Variants in EXOC6 observed in about 807,000 individuals in gnomAD.
The protein encoded by EXOC6 is SEC15-like 1.
In EXOC6, 60 loss-of-function variants were observed where a neutral mutation model predicts 112.5. The ratio of observed to expected loss-of-function variants is 0.53; its 90% CI spans 0.43 to 0.66. The LOEUF (loss-of-function observed/expected upper bound fraction) is 0.66, where lower values mean the gene tolerates loss of function less well. Ranked by LOEUF, EXOC6 falls within the 30% of genes least tolerant of loss-of-function variation. EXOC6 has a pLI of 0.00. For synonymous variants in EXOC6, 295 were observed against 308.0 expected, an observed-to-expected ratio of 0.96 and a Z score of 0.44; for missense variants, 855 against 957.1, an observed-to-expected ratio of 0.89 and a Z score of 1.41.
chr10:92,875,874 T>A (rs1400969097), intron 1 of EXOC6, among the ~76,000 whole-genome samples: 7 of 151,984 alleles, frequency 4.6e-5, no homozygotes, highest in African/African-American at 1.7e-4. Flanking sequence ...TTTATCAAAA[T>A]AAAAATACAA....
At chr10:92,980,689 C>T (rs1842795006) in intron 18 of EXOC6, among the ~76,000 whole-genome samples, 1 of 152,136 alleles carries the variant, frequency 6.6e-6, no homozygotes, top group South Asian at 2.1e-4. Context: ...TAGCTAATGC[C>T]AATGAGGTCT....
At chr10:92,840,609 T>C (rs1184337642) in intron 1 of EXOC6, among the ~76,000 whole-genome samples, 1 of 152,172 alleles carries the variant, frequency 6.6e-6, no homozygotes, top group Non-Finnish European at 1.5e-5. Context: ...GTTATGTAAA[T>C]TTTTTAAAAC....
At chr10:92,860,815 C>T (rs1253282352) in intron 1 of EXOC6, among the ~76,000 whole-genome samples, 5 of 151,602 alleles carry the variant, frequency 3.3e-5, no homozygotes, top group Non-Finnish European at 5.9e-5. Flanking sequence ...GAATGAAAGC[C>T]CATTGTATGT....
intron 20 of EXOC6, among the ~76,000 whole-genome samples, chr10:93,042,386 A>G (rs2134336846): frequency 6.6e-6 from 1 of 152,282 alleles, no homozygotes; most frequent in East Asian, 1.9e-4. Flanking sequence ...TTAGTTTGTA[A>G]TTATGTTTGT....
Position 92,915,745 on chromosome 10 carries a change from C to G in EXOC6, c.664-13C>G, listed in dbSNP as rs368074997. The G allele has an allele frequency of 7.4e-6, 11 of 1,494,720 alleles. No homozygotes were observed. The Admixed American group carries it at 1.6e-4, about 22-fold the overall frequency. 92.6% of individuals were successfully genotyped at this position (1,494,720 alleles called of 1,614,324 possible). ...GTTTTGAAATAATCTGAATTTCTCT[C>G]TCTTCAAAATAGGCACAGCATCAGA... On this transcript the variant is annotated splice_polypyrimidine_tract_variant and intron_variant, in intron 6 of 21. Transcript: ENST00000260762.
chr10:92,879,304 C>T (rs1848833851), intron 1 of EXOC6, among the ~76,000 whole-genome samples: 1 of 152,090 alleles, frequency 6.6e-6, no homozygotes, highest in South Asian at 2.1e-4. Flanking sequence ...TGTGTCTCTA[C>T]AGAATTTTAA....
intron 18 of EXOC6, among the ~76,000 whole-genome samples, chr10:92,989,805 G>A (rs1843158475): frequency 6.6e-6 from 1 of 152,158 alleles, no homozygotes; most frequent in African/African-American, 2.4e-5. Flanking sequence ...AAGGAGGCAG[G>A]GACAGATAAT....
chr10:92,891,546 A>G (rs977922255), intron 1 of EXOC6, among the ~76,000 whole-genome samples: 8 of 152,100 alleles, frequency 5.3e-5, no homozygotes, highest in African/African-American at 1.9e-4. Context: ...CAGTAGTATG[A>G]TCTTTGCTCA....
intron 8 of EXOC6, among the ~76,000 whole-genome samples, chr10:92,922,544 A>G (rs1851505662): frequency 2.0e-5 from 3 of 152,200 alleles, no homozygotes; most frequent in Admixed American, 1.3e-4. Context: ...ACTTTAGCCA[A>G]AAAAGCTCTT....
intron 1 of EXOC6, among the ~76,000 whole-genome samples, chr10:92,885,458 C>A (rs528418285): frequency 6.6e-6 from 1 of 151,790 alleles, no homozygotes; most frequent in East Asian, 1.9e-4. Flanking sequence ...TGGCTCACTG[C>A]AACCTCTGCT....
chr10:92,870,713 C>CT (rs35387359), intron 1 of EXOC6, among the ~76,000 whole-genome samples: 2,434 of 143,168 alleles, frequency 0.017, 51 homozygotes, highest in African/African-American at 0.053. Flanking sequence ...TAGGTGTTAT[C>CT]TTTTTTTTTT....
At chr10:93,020,339 A>G (rs1428174528) in intron 20 of EXOC6, among the ~76,000 whole-genome samples, 1 of 152,188 alleles carries the variant, frequency 6.6e-6, no homozygotes, top group Non-Finnish European at 1.5e-5. Context: ...AACAGCCTTT[A>G]TGCCTACAGA....
At chr10:92,867,823 C>T (rs1168067766) in intron 1 of EXOC6, among the ~76,000 whole-genome samples, 1 of 152,004 alleles carries the variant, frequency 6.6e-6, no homozygotes, top group African/African-American at 2.4e-5. Context: ...CAATTGTATT[C>T]CACTGACAAA....
At chr10:92,837,771 C>CG (rs1319710204) in intron 1 of EXOC6, among the ~76,000 whole-genome samples, 2 of 151,906 alleles carry the variant, frequency 1.3e-5, no homozygotes, top group African/African-American at 4.8e-5. Flanking sequence ...CTTGAGGCCC[C>CG]GGAATGAACA....
At chr10:92,899,578 A>T in intron 4 of EXOC6, 21 bp from the exon 5 acceptor site, 2 of 1,541,898 alleles carry the variant, frequency 1.3e-6, no homozygotes, top group Non-Finnish European at 1.8e-6. Flanking sequence ...GAAAGCTAAA[A>T]TGTTATATTT....
intron 1 of EXOC6, among the ~76,000 whole-genome samples, chr10:92,883,483 G>A (rs906996705): frequency 1.3e-5 from 2 of 152,058 alleles, no homozygotes; most frequent in East Asian, 1.9e-4. Flanking sequence ...AATAAGATTA[G>A]CACCTAGAAT....
chr10:92,940,922 T>G lies in EXOC6; in HGVS notation c.1310+98T>G, dbSNP rs999840570. 15 of 806,774 alleles carry G rather than the reference T, an allele frequency of 1.9e-5. No individual in the cohort carries two copies. The African/African-American group carries it at 2.6e-4, about 14-fold the overall frequency. The allele number at this position is 806,774 out of a possible 1,614,324, so 50.0% of individuals were successfully genotyped here. A position where few individuals can be genotyped will look rare whatever the true frequency, so the allele number is the denominator to read the frequency against. On this transcript the variant is annotated intron_variant, in intron 13 of 21. Transcript: ENST00000260762. The stretch of plus-strand genomic sequence containing the variant: ...TTAATAAAAATGCTTATAATCATTT[T>G]TATTGTAGTAAAGTACACATAGAAT...
rs138534844 is a variant in EXOC6, at chr10:93,035,226, G to A, written c.2169+20959G>A. 7.6e-4 allele frequency among the ~76,000 whole-genome samples: 115 copies of A among 152,212 alleles called. 2 individuals are homozygous for A. In the East Asian group the frequency reaches 0.016, roughly 21 times the overall value. On this transcript the variant is annotated intron_variant, in intron 20 of 21. Coordinates refer to ENST00000260762, the MANE Select transcript of EXOC6 (RefSeq NM_019053.6). ...CTTTTTGCTCCAGTGTCATAATTCC[G>A]GAAGTTTATAGTTTATGTGCTTAAA...
At chr10:92,899,381 G>A (rs904328767) in intron 4 of EXOC6, among the ~76,000 whole-genome samples, 5 of 151,814 alleles carry the variant, frequency 3.3e-5, no homozygotes, top group African/African-American at 9.7e-5. Context: ...ATGTATATAT[G>A]TGTGTGTGTG....
Sources: allele counts gnomAD v4.1 joint callset (sites outside exome capture counted in the v4.1 genomes callset), GRCh38; gene constraint gnomAD v4.1.1; transcripts MANE v1.5; gene names NCBI Gene and HGNC (gene_info 2026-07-23, HGNC 2026-07-21).